The following NEDD4L variants were observed in gnomAD, a reference collection of about 807,000 sequenced individuals.
The protein encoded by NEDD4L is E3 ubiquitin-protein ligase NEDD4-like.
Under a neutral mutation model 148.9 loss-of-function variants are expected in NEDD4L, and 54 were observed. The observed-to-expected ratio is 0.36, with a 90% CI of 0.29 to 0.45. NEDD4L has a LOEUF of 0.45. Ranked by LOEUF, NEDD4L falls within the 20% of genes least tolerant of loss-of-function variation. NEDD4L has a pLI of 1.00. For synonymous variants in NEDD4L, 433 were observed against 440.7 expected (o/e 0.98, Z 0.22); for missense variants, 856 against 1,233.8 (o/e 0.69, Z 4.59).
intron 1 of NEDD4L, among the ~76,000 whole-genome samples, chr18:58,088,203 A>AT (rs1342061787): frequency 4.6e-5 from 7 of 152,196 alleles, no homozygotes. Context: ...CTGCAGTGTC[A>AT]TTTTATCACA....
chr18:58,365,009 C>A (rs541187693), intron 20 of NEDD4L, among the ~76,000 whole-genome samples: 19 of 152,268 alleles, frequency 1.2e-4, no homozygotes, highest in Non-Finnish European at 2.4e-4. Context: ...ATGGTTACAC[C>A]TCTAGGGAGG....
intron 3 of NEDD4L, among the ~76,000 whole-genome samples, chr18:58,246,680 G>A (rs1334848860): frequency 1.3e-5 from 2 of 152,100 alleles, no homozygotes; most frequent in African/African-American, 4.8e-5. Flanking sequence ...GACCAGGCTG[G>A]TCTGGAACTG....
chr18:58,174,104 G>A (rs983484051), intron 2 of NEDD4L, among the ~76,000 whole-genome samples: 1 of 151,984 alleles, frequency 6.6e-6, no homozygotes, highest in Non-Finnish European at 1.5e-5. Context: ...CAAGAAGAAT[G>A]AGGATATGCT....
At chr18:58,245,345 T>C (rs942272023) in intron 2 of NEDD4L, 82 bp from the exon 3 acceptor site, 11 of 689,420 alleles carry the variant, frequency 1.6e-5, no homozygotes, top group East Asian at 2.8e-5. Flanking sequence ...TTAACTGATA[T>C]TTGTATTTTC....
At chr18:58,187,174 C>T (rs935645028) in intron 2 of NEDD4L, among the ~76,000 whole-genome samples, 1 of 152,152 alleles carries the variant, frequency 6.6e-6, no homozygotes, top group Admixed American at 6.5e-5. Context: ...CCTTTGTCTC[C>T]GTGGCTTCCA....
chr18:58,252,142 T>C, intron 5 of NEDD4L, 88 bp downstream of exon 5: 1 of 868,166 alleles, frequency 1.2e-6, no homozygotes. Context: ...GTGTTTATGT[T>C]GTACTTAGGA....
rs532069899 is a variant in NEDD4L at position 58,350,860 on chromosome 18, G to A, written c.1654-131G>A. ...CTTGAAATGTTCATATTTAGTTCAC[G>A]CTCAATGCATAAATGTACCCTAGCA... On this transcript the variant is annotated intron_variant, in intron 17 of 30. Coordinates refer to ENST00000400345, the MANE Select transcript of NEDD4L (RefSeq NM_001144967.3). The A allele has an allele frequency of 3.5e-4, 224 of 631,642 alleles. 5 individuals are homozygous for A. The highest frequency in any genetic ancestry group is 2.8e-3 in the South Asian group (133 of 47,368). The allele number at this position is 631,642 out of a possible 1,614,324, so 39.1% of individuals were successfully genotyped here.
At chr18:58,200,339 T>A (rs947890924) in intron 2 of NEDD4L, among the ~76,000 whole-genome samples, 1 of 152,252 alleles carries the variant, frequency 6.6e-6, no homozygotes. Flanking sequence ...GTTGAAATAC[T>A]GTCAACTGGA....
chr18:58,266,928 A>G lies in NEDD4L; in HGVS notation c.297+14874A>G, dbSNP rs540753662. Among the ~76,000 whole-genome samples the G allele has an allele frequency of 2.5e-4, 38 of 152,214 alleles. No homozygotes were observed. The South Asian group carries it at 7.9e-3, about 32-fold the overall frequency. ...CTTTTAAAGTGGACTTGCTTTCTATATAGTTATGAAGAACAGATAGAAATG... is the reference window on the plus strand; with the variant it reads ...CTTTTAAAGTGGACTTGCTTTCTATGTAGTTATGAAGAACAGATAGAAATG... On this transcript the variant is annotated intron_variant, in intron 5 of 30. Coordinates refer to ENST00000400345, the MANE Select transcript of NEDD4L (RefSeq NM_001144967.3).
At chr18:58,255,473 C>T in intron 5 of NEDD4L, 1 of 1,227,328 alleles carries the variant, frequency 8.1e-7, no homozygotes, top group Non-Finnish European at 1.0e-6. Flanking sequence ...TGGAATGCCG[C>T]TTGCCACTTG....
At chr18:58,332,604 C>T (rs1453458380) in intron 11 of NEDD4L, among the ~76,000 whole-genome samples, 2 of 152,080 alleles carry the variant, frequency 1.3e-5, no homozygotes, top group South Asian at 2.1e-4. Flanking sequence ...GCCACGATTG[C>T]GCCACTGCAC....
intron 8 of NEDD4L, among the ~76,000 whole-genome samples, chr18:58,324,175 C>G (rs1293575735): frequency 6.6e-6 from 1 of 152,198 alleles, no homozygotes; most frequent in Non-Finnish European, 1.5e-5. Flanking sequence ...ATTTCATAAG[C>G]ATGTCAACAG....
intron 1 of NEDD4L, among the ~76,000 whole-genome samples, chr18:58,137,200 G>A (rs539148693): frequency 6.6e-6 from 1 of 152,216 alleles, no homozygotes; most frequent in Non-Finnish European, 1.5e-5. Context: ...TGGTTATCTT[G>A]TGAGAGAAAT....
chr18:58,289,926 C>T (rs1015543889), intron 5 of NEDD4L, among the ~76,000 whole-genome samples: 1 of 152,194 alleles, frequency 6.6e-6, no homozygotes, highest in Non-Finnish European at 1.5e-5. Flanking sequence ...TCATGATTTC[C>T]TTAGTGAAAT....
chr18:58,181,555 C>A (rs1426243286), intron 2 of NEDD4L, among the ~76,000 whole-genome samples: 1 of 152,060 alleles, frequency 6.6e-6, no homozygotes, highest in African/African-American at 2.4e-5. Flanking sequence ...CGTTAGACTC[C>A]CAAATAGCTA....
chr18:58,078,331 C>A (rs140823708), intron 1 of NEDD4L, among the ~76,000 whole-genome samples: 2 of 152,082 alleles, frequency 1.3e-5, no homozygotes, highest in Admixed American at 6.5e-5. Context: ...TTTAATATAT[C>A]TTAAATATGA....
At chr18:58,085,158 G>A (rs946974371) in intron 1 of NEDD4L, among the ~76,000 whole-genome samples, 8 of 152,226 alleles carry the variant, frequency 5.3e-5, no homozygotes, top group African/African-American at 1.9e-4. Flanking sequence ...GGTAGTGAAG[G>A]TTAAGGCTCC....
At chr18:58,236,178 A>C (rs2045986629) in intron 2 of NEDD4L, among the ~76,000 whole-genome samples, 1 of 151,948 alleles carries the variant, frequency 6.6e-6, no homozygotes, top group African/African-American at 2.4e-5. Flanking sequence ...GCAACATAGT[A>C]ACCTCGTCTC....
At chr18:58,227,983 T>TATTA in intron 2 of NEDD4L, 1 of 264,418 alleles carries the variant, frequency 3.8e-6, no homozygotes, top group Non-Finnish European at 5.8e-6. Context: ...GAGCTGGCTC[T>TATTA]TGCCCAGCAT....
Sources: allele counts gnomAD v4.1 joint callset (sites outside exome capture counted in the v4.1 genomes callset), GRCh38; gene constraint gnomAD v4.1.1; transcripts MANE v1.5; gene names NCBI Gene and HGNC (gene_info 2026-07-23, HGNC 2026-07-21).